The following BICDL1 variants were observed in gnomAD, a reference collection of about 807,000 sequenced individuals.
The protein encoded by BICDL1 is BICD family-like cargo adapter 1.
A neutral mutation model predicts 76.8 loss-of-function variants in BICDL1; 20 were observed. That is an observed-to-expected ratio of 0.26 (90% CI 0.18 to 0.38). The LOEUF (loss-of-function observed/expected upper bound fraction) is 0.38. Among genes scored for constraint, BICDL1 ranks in the 10% least tolerant of loss-of-function variants. The pLI, the probability that BICDL1 is intolerant of heterozygous loss-of-function variation, is 1.00. For missense variants in BICDL1, 700 were observed against 798.6 expected (o/e 0.88, Z 1.49); for synonymous variants, 383 against 337.1 (o/e 1.14, Z -1.49).
At chr12:120,085,926 G>A (rs754337205) in intron 8 of BICDL1, among the ~76,000 whole-genome samples, 6 of 151,334 alleles carry the variant, frequency 4.0e-5, no homozygotes, top group African/African-American at 4.9e-5. Flanking sequence ...TGGGATGGAA[G>A]GTGGGGGATA....
chr12:120,051,473 T>C (rs1952858416), intron 2 of BICDL1, among the ~76,000 whole-genome samples: 1 of 152,208 alleles, frequency 6.6e-6, no homozygotes, highest in African/African-American at 2.4e-5. Context: ...AATGAGTCCT[T>C]GTTTCCATGG....
At chr12:120,084,263 A>G (rs964204672) in intron 8 of BICDL1, among the ~76,000 whole-genome samples, 5 of 152,198 alleles carry the variant, frequency 3.3e-5, no homozygotes, top group African/African-American at 1.2e-4. Context: ...TGGCCTCCCA[A>G]AGTGCTGGGA....
intron 1 of BICDL1, chr12:119,993,438 A>G (rs1038454104): frequency 2.0e-5 from 3 of 152,172 alleles, no homozygotes; most frequent in Non-Finnish European, 4.4e-5. Context: ...GCATACTATT[A>G]ATATTTAAAG....
intron 2 of BICDL1, among the ~76,000 whole-genome samples, chr12:120,028,384 AT>A (rs1415780381): frequency 6.6e-6 from 1 of 151,724 alleles, no homozygotes; most frequent in African/African-American, 2.4e-5. Context: ...AAAAAAAAAA[AT>A]AGATATTGGC....
At chr12:120,063,873 C>T (rs1953160423) in intron 3 of BICDL1, among the ~76,000 whole-genome samples, 1 of 152,128 alleles carries the variant, frequency 6.6e-6, no homozygotes, top group African/African-American at 2.4e-5. Flanking sequence ...AGCACTGGCT[C>T]AGCTTCTCAC....
At chr12:120,044,765 T>C (rs1293387503) in intron 2 of BICDL1, among the ~76,000 whole-genome samples, 1 of 152,160 alleles carries the variant, frequency 6.6e-6, no homozygotes, top group Non-Finnish European at 1.5e-5. Context: ...CATTGATCTA[T>C]ATCTCTGTTT....
chr12:120,086,960 C>A (rs1197210709), intron 8 of BICDL1, among the ~76,000 whole-genome samples: 15 of 152,192 alleles, frequency 9.9e-5, no homozygotes, highest in Admixed American at 9.8e-4. Flanking sequence ...GGAAGGGAAC[C>A]CCACCATGCC....
chr12:120,040,914 T>A (rs1285201114), intron 2 of BICDL1, among the ~76,000 whole-genome samples: 1 of 152,020 alleles, frequency 6.6e-6, no homozygotes, highest in East Asian at 1.9e-4. Flanking sequence ...ACGTGGCTAA[T>A]TTTTGTATTT....
At chr12:120,060,698 TG>T (rs1195956088) in intron 2 of BICDL1, among the ~76,000 whole-genome samples, 7 of 152,224 alleles carry the variant, frequency 4.6e-5, no homozygotes, top group African/African-American at 1.4e-4. Context: ...AGGTAACATT[TG>T]TTGAATATGT....
chr12:120,026,581 C>G (rs1420218279), intron 2 of BICDL1, among the ~76,000 whole-genome samples: 2 of 152,140 alleles, frequency 1.3e-5, no homozygotes, highest in Non-Finnish European at 2.9e-5. Flanking sequence ...AAAAACTACA[C>G]AAGATTTAAA....
At chr12:120,020,352 C>CA (rs1952153853) in intron 2 of BICDL1, among the ~76,000 whole-genome samples, 1 of 152,112 alleles carries the variant, frequency 6.6e-6, no homozygotes. Flanking sequence ...GAGTTGGCTG[C>CA]AATTGATTTA....
At chr12:120,048,948 T>C (rs1167344596) in intron 2 of BICDL1, among the ~76,000 whole-genome samples, 1 of 152,212 alleles carries the variant, frequency 6.6e-6, no homozygotes, top group African/African-American at 2.4e-5. Context: ...TGTTTCAGCC[T>C]TGAAAGATCC....
intron 1 of BICDL1, among the ~76,000 whole-genome samples, chr12:119,996,969 G>C (rs958062959): frequency 1.2e-4 from 17 of 144,566 alleles, no homozygotes; most frequent in Non-Finnish European, 2.5e-4. Context: ...TTTTTTTTGA[G>C]ACGGAGTCTC....
chr12:120,039,834 G>A (rs767791714), intron 2 of BICDL1, among the ~76,000 whole-genome samples: 9 of 151,952 alleles, frequency 5.9e-5, no homozygotes, highest in African/African-American at 1.2e-4. Context: ...CCCACGTACC[G>A]TATTACCTTT....
intron 8 of BICDL1, among the ~76,000 whole-genome samples, chr12:120,086,429 T>C (rs1478106129): frequency 6.6e-6 from 1 of 152,198 alleles, no homozygotes; most frequent in Non-Finnish European, 1.5e-5. Flanking sequence ...ATTACAATCA[T>C]CTGGGGAGCG....
intron 2 of BICDL1, among the ~76,000 whole-genome samples, chr12:120,059,831 G>T (rs1953065229): frequency 6.6e-6 from 1 of 151,936 alleles, no homozygotes; most frequent in Non-Finnish European, 1.5e-5. Context: ...TCCCACCTCA[G>T]CCTCCCAAGT....
At chr12:120,039,773 T>C (rs1334059659) in intron 2 of BICDL1, among the ~76,000 whole-genome samples, 1 of 152,162 alleles carries the variant, frequency 6.6e-6, no homozygotes, top group African/African-American at 2.4e-5. Context: ...AGGAGGAGTT[T>C]GGGCTCTTCC....
intron 2 of BICDL1, among the ~76,000 whole-genome samples, chr12:120,031,054 C>T (rs1220699987): frequency 1.3e-5 from 2 of 152,192 alleles, no homozygotes; most frequent in Non-Finnish European, 2.9e-5. Flanking sequence ...CCACCAACTA[C>T]AGGCAAGGCA....
intron 2 of BICDL1, among the ~76,000 whole-genome samples, chr12:120,038,008 CT>C (rs1438300397): frequency 6.6e-6 from 1 of 152,204 alleles, no homozygotes; most frequent in African/African-American, 2.4e-5. Flanking sequence ...CTAATTGCCC[CT>C]GAAGGGTGAC....
Sources: allele counts gnomAD v4.1 joint callset (sites outside exome capture counted in the v4.1 genomes callset), GRCh38; gene constraint gnomAD v4.1.1; transcripts MANE v1.5; gene names NCBI Gene and HGNC (gene_info 2026-07-23, HGNC 2026-07-21).